Variants in FASTKD1 observed in about 807,000 individuals in gnomAD.
The protein encoded by FASTKD1 is FAST kinase domains 1, also known as FAST kinase domain-containing protein 1, mitochondrial.
Under a neutral mutation model 90.9 loss-of-function variants are expected in FASTKD1, and 94 were observed. The ratio of observed to expected loss-of-function variants is 1.03; its 90% CI spans 0.88 to 1.23. The LOEUF (loss-of-function observed/expected upper bound fraction) is 1.23. Ranked by LOEUF, FASTKD1 falls within the 50% of genes most tolerant of loss-of-function variation. The pLI, the probability that FASTKD1 is intolerant of heterozygous loss-of-function variation, is 0.00. For synonymous variants in FASTKD1, 319 were observed against 345.8 expected, an observed-to-expected ratio of 0.92 and a Z score of 0.86; for missense variants, 945 against 993.5, an observed-to-expected ratio of 0.95 and a Z score of 0.66.
chr2:169,531,444 TC>T lies in FASTKD1; in HGVS notation c.2234del (p.Gly745GlufsTer5), dbSNP rs770460198. 2.8e-5 allele frequency: 45 copies of T among 1,611,998 alleles called. No individual in the cohort carries two copies. The African/African-American group carries it at 5.5e-4, about 20-fold the overall frequency. On this transcript the variant is annotated frameshift_variant, in exon 13 of 15. Coordinates refer to ENST00000453153, the MANE Select transcript of FASTKD1 (RefSeq NM_024622.6). LOFTEE classifies it high-confidence loss of function. ...GTTGTCCCAATGCTATATTATGGCT[TC>T]CATACGGAAGAGGTTTTTTTCTTTT... is the stretch of plus-strand genomic sequence containing the variant. ...LDKRKKPLPY[G>X]SHNIALGQLP...
At chr2:169,572,415 A>C (rs1684274627) in intron 1 of FASTKD1, among the ~76,000 whole-genome samples, 1 of 152,046 alleles carries the variant, frequency 6.6e-6, no homozygotes, top group Admixed American at 6.5e-5. Context: ...ATAAAAGGAA[A>C]AAAAAAGCCC....
In FASTKD1 at chr2:169,569,213, T is replaced by C. The variant is rs781066184; in HGVS notation, c.417A>G (p.Leu139=). 6.2e-6 allele frequency: 10 copies of C among 1,614,008 alleles called. No individual in the cohort carries two copies. Among genetic ancestry groups the C allele is most frequent in the African/African-American group, 1.3e-5 (1 of 74,914 alleles). Residue 139 remains leucine (L), a synonymous_variant, in exon 3 of 15, where the codon CTA becomes CTG. Transcript: ENST00000453153. The part of the protein sequence containing the change: ...GEAHDPLVEA[L]VTEAWRRLER... ...CTAGCCTTCTCCATGCTTCTGTAAC[T>C]AGTGCTTCAACTAGCGGGTCATGGG...
intron 5 of FASTKD1, 60 bp downstream of exon 5, chr2:169,560,327 A>C (rs1259398709): frequency 1.4e-6 from 2 of 1,383,218 alleles, no homozygotes; most frequent in Admixed American, 2.5e-5. Context: ...AAGGAGACCT[A>C]AGCTTGAAGG....
intron 3 of FASTKD1, among the ~76,000 whole-genome samples, chr2:169,566,845 A>G (rs940235255): frequency 6.6e-6 from 1 of 152,192 alleles, no homozygotes; most frequent in Admixed American, 6.5e-5. Context: ...GGCTGGGCAC[A>G]GTGGCTCACA....
At chr2:169,532,612 C>G (rs1310350171) in intron 12 of FASTKD1, among the ~76,000 whole-genome samples, 3 of 151,186 alleles carry the variant, frequency 2.0e-5, no homozygotes, top group Admixed American at 2.0e-4. Context: ...TAAAAACTAT[C>G]AGATGACATT....
At chr2:169,556,967 A>G (rs531295098) in intron 6 of FASTKD1, among the ~76,000 whole-genome samples, 1 of 152,104 alleles carries the variant, frequency 6.6e-6, no homozygotes, top group East Asian at 1.9e-4. Context: ...AGATAGTGCC[A>G]CTGCACTCCA....
chr2:169,546,332 A>C lies in FASTKD1; in HGVS notation c.1587T>G (p.Asp529Glu), dbSNP rs1685192296. The change falls in exon 8 of 15, where the codon GAT (aspartate) becomes GAG (glutamate). Residue 529 changes from aspartate (D) to glutamate (E), a missense_variant. By Grantham distance (45) the Asp-to-Glu change is conservative. Transcript: ENST00000453153. Reference sequence around the variant, plus strand: ...CCCCAACATTTATGTAATTAATATCATCCATGAAATGCTGTAAAGTAGCAA... The same window carrying C: ...CCCCAACATTTATGTAATTAATATCCTCCATGAAATGCTGTAAAGTAGCAA... ...EMIATLQHFM[D>E]DINYINVGEI... is the part of the protein sequence containing the mutation. 2 of 1,614,084 alleles carry C rather than the reference A, an allele frequency of 1.2e-6. No individual in the cohort carries two copies.
intron 8 of FASTKD1, 100 bp from the exon 9 acceptor site, chr2:169,544,935 C>T: frequency 1.6e-6 from 1 of 629,836 alleles, no homozygotes; most frequent in South Asian, 2.2e-5. Context: ...CCTATCATCG[C>T]TACAGTTAAA....
intron 3 of FASTKD1, among the ~76,000 whole-genome samples, chr2:169,563,814 CA>C (rs1182770112): frequency 3.3e-5 from 5 of 152,028 alleles, no homozygotes; most frequent in African/African-American, 4.8e-5. Flanking sequence ...CAAAACCCTG[CA>C]AAAAACCCGA....
At chr2:169,569,788 T>C (rs556535859) in intron 2 of FASTKD1, among the ~76,000 whole-genome samples, 7 of 152,092 alleles carry the variant, frequency 4.6e-5, no homozygotes, top group African/African-American at 1.4e-4. Flanking sequence ...GAGGTAGAGG[T>C]TGCAGAGAGC....
intron 7 of FASTKD1, among the ~76,000 whole-genome samples, chr2:169,549,839 T>A (rs1183830663): frequency 6.6e-6 from 1 of 152,238 alleles, no homozygotes; most frequent in Non-Finnish European, 1.5e-5. Flanking sequence ...GGTGTACTGA[T>A]ACAGGCATTC....
Position 169,538,151 on chromosome 2 carries a change from A to G in FASTKD1, c.1946-10T>C. ...CGAGATGGAGATAAAACTGAAATTA[A>G]TAAAATACTAATGAATTTTGATAGC... On this transcript the variant is annotated splice_polypyrimidine_tract_variant and intron_variant, in intron 10 of 14. Transcript: ENST00000453153. 1 of 1,585,758 alleles carries G rather than the reference A, an allele frequency of 6.3e-7. No individual in the cohort carries two copies. The highest frequency in any genetic ancestry group is 8.5e-7 in the Non-Finnish European group (1 of 1,171,762).
Position 169,529,810 on chromosome 2 carries a change from C to T in FASTKD1, c.*15G>A. On this transcript the variant is annotated 3_prime_UTR_variant, in exon 15 of 15. Transcript: ENST00000453153. ...TCCAAATGTAACACACGATAACATT[C>T]ATTTTAAATAAAAACTACAAACATG... is the stretch of plus-strand genomic sequence containing the variant. 1 of 1,558,574 alleles carries T rather than the reference C, an allele frequency of 6.4e-7. No homozygotes were observed. Among genetic ancestry groups the T allele is most frequent in the Non-Finnish European group, 8.8e-7 (1 of 1,137,542 alleles).
chr2:169,546,238 C>T lies in FASTKD1; in HGVS notation c.1681G>A (p.Ala561Thr). Residue 561 changes from alanine (A) to threonine (T), a missense_variant, in exon 8 of 15, where the codon GCT becomes ACT. Coordinates refer to ENST00000453153, the MANE Select transcript of FASTKD1 (RefSeq NM_024622.6). ...TTCACCTTTTCAATCTGCTGAACAG[C>T]CACTGAGGCTATCCTATCTAGTAGC... The part of the protein sequence containing the change: ...TLLLDRIASV[A>T]VQQIEKIHPF... The T allele has an allele frequency of 6.3e-7, 1 of 1,579,726 alleles. No homozygotes were observed. Among genetic ancestry groups the T allele is most frequent in the South Asian group, 1.1e-5 (1 of 87,004 alleles).
Position 169,529,716 on chromosome 2 carries a change from A to T in FASTKD1, c.*109T>A. On this transcript the variant is annotated 3_prime_UTR_variant, in exon 15 of 15. Coordinates refer to ENST00000453153, the MANE Select transcript of FASTKD1 (RefSeq NM_024622.6). Reference sequence around the variant, plus strand: ...ATCCTTTGTTATTCTCAAACATGCCAGGCATGTTCCCACCTTAGGACATTT... The same window carrying T: ...ATCCTTTGTTATTCTCAAACATGCCTGGCATGTTCCCACCTTAGGACATTT... The T allele has an allele frequency of 1.4e-6, 1 of 698,254 alleles. No individual in the cohort carries two copies. The highest frequency in any genetic ancestry group is 2.4e-6 in the Non-Finnish European group (1 of 413,572). The allele number at this position is 698,254 out of a possible 1,614,324, so 43.3% of individuals were successfully genotyped here. A position where few individuals can be genotyped will look rare whatever the true frequency, so the allele number is the denominator to read the frequency against.
rs1683357057 is a variant in FASTKD1 at position 169,557,169 on chromosome 2, A to G, written c.1082+18T>C. The G allele has an allele frequency of 6.7e-7, 1 of 1,503,540 alleles. No homozygotes were observed. The highest frequency in any genetic ancestry group is 9.2e-7 in the Non-Finnish European group (1 of 1,081,100). The allele number at this position is 1,503,540 out of a possible 1,614,324, so 93.1% of individuals were successfully genotyped here. A position where few individuals can be genotyped will look rare whatever the true frequency, so the allele number is the denominator to read the frequency against. On this transcript the variant is annotated intron_variant, in intron 6 of 14. Coordinates refer to ENST00000453153, the MANE Select transcript of FASTKD1 (RefSeq NM_024622.6). ...TGAATGACAACAAACTTAACGTCGT[A>G]AATTTCAGAAAAGATACCTTTTAAT...
chr2:169,532,002 T>C (rs1684511916), intron 12 of FASTKD1, among the ~76,000 whole-genome samples: 1 of 152,216 alleles, frequency 6.6e-6, no homozygotes, highest in Non-Finnish European at 1.5e-5. Flanking sequence ...CTCTGAATGA[T>C]GGATTTAGGC....
intron 7 of FASTKD1, among the ~76,000 whole-genome samples, chr2:169,547,490 A>C (rs932402291): frequency 2.0e-5 from 3 of 152,184 alleles, no homozygotes; most frequent in Non-Finnish European, 4.4e-5. Context: ...TAACATACCC[A>C]ACATTGTTAA....
intron 4 of FASTKD1, among the ~76,000 whole-genome samples, chr2:169,561,419 A>G (rs986806899): frequency 2.0e-5 from 3 of 152,076 alleles, no homozygotes; most frequent in Non-Finnish European, 2.9e-5. Context: ...GCCAAAGACA[A>G]TCATAGTACT....
Sources: gnomAD v4.1 joint callset for allele counts (sites outside exome capture counted in the v4.1 genomes callset) on GRCh38, gnomAD v4.1.1 for gene constraint, MANE v1.5 for transcripts, NCBI Gene and HGNC (gene_info 2026-07-23, HGNC 2026-07-21) for gene names.